MCPH1: variants seen among roughly 807,000 people sequenced by gnomAD.
The protein encoded by MCPH1 is microcephalin 1.
In MCPH1, 104 loss-of-function variants were observed where a neutral mutation model predicts 84.5. The observed-to-expected ratio is 1.23, with a 90% confidence interval of 1.05 to 1.45. MCPH1 has a LOEUF of 1.45. Ranked by LOEUF, MCPH1 falls within the 40% of genes most tolerant of loss-of-function variation. The pLI, the probability that MCPH1 is intolerant of heterozygous loss-of-function variation, is 0.00. For missense variants in MCPH1, 1,498 were observed against 1,005.7 expected, an observed-to-expected ratio of 1.49 and a Z score of -6.62; for synonymous variants, 514 against 366.8, an observed-to-expected ratio of 1.40 and a Z score of -4.58.
At chr8:6,463,377 A>G (rs1377085179) in intron 9 of MCPH1, among the ~76,000 whole-genome samples, 1 of 152,218 alleles carries the variant, frequency 6.6e-6, no homozygotes, top group Non-Finnish European at 1.5e-5. Flanking sequence ...CACAGCTGTC[A>G]TTTATTGAGC....
chr8:6,604,261 C>G (rs922520547), intron 12 of MCPH1, among the ~76,000 whole-genome samples: 5 of 152,174 alleles, frequency 3.3e-5, no homozygotes, highest in Non-Finnish European at 7.3e-5. Flanking sequence ...GAGCCCTGTT[C>G]TCAGCCCTGG....
chr8:6,525,858 C>A lies in MCPH1; in HGVS notation c.2214+25929C>A, dbSNP rs1195997134. 2.0e-5 allele frequency among the ~76,000 whole-genome samples: 3 copies of A among 152,202 alleles called. No individual in the cohort carries two copies. The East Asian group carries it at 5.8e-4, about 29-fold the overall frequency. On this transcript the variant is annotated intron_variant, in intron 12 of 13. Transcript: ENST00000344683. Reference sequence around the variant, plus strand: ...TTCTTCCTACAGGCATAGTTGAAAGCCAATATGATTGGAAAAATATTTGCA... The same window carrying A: ...TTCTTCCTACAGGCATAGTTGAAAGACAATATGATTGGAAAAATATTTGCA...
intron 11 of MCPH1, among the ~76,000 whole-genome samples, chr8:6,486,286 C>G (rs1487581706): frequency 6.9e-6 from 1 of 144,838 alleles, no homozygotes; most frequent in Non-Finnish European, 1.5e-5. Context: ...CTCTCTCTCT[C>G]TCTCTCTCTG....
chr8:6,409,595 C>A (rs1030101536), intron 2 of MCPH1, among the ~76,000 whole-genome samples: 9 of 152,168 alleles, frequency 5.9e-5, no homozygotes, highest in Admixed American at 5.9e-4. Context: ...GGATGAAATG[C>A]TGGATTCTTA....
intron 11 of MCPH1, among the ~76,000 whole-genome samples, chr8:6,490,962 A>G (rs1810498846): frequency 7.8e-6 from 1 of 128,676 alleles, no homozygotes; most frequent in Non-Finnish European, 1.7e-5. Flanking sequence ...CAATAATGCT[A>G]TTAATCATTA....
chr8:6,545,913 A>G (rs1822501303), intron 12 of MCPH1, among the ~76,000 whole-genome samples: 2 of 152,252 alleles, frequency 1.3e-5, no homozygotes, highest in Non-Finnish European at 2.9e-5. Flanking sequence ...GAGACATAGT[A>G]TAAAAAACTG....
chr8:6,623,287 C>T (rs192979345), intron 13 of MCPH1, among the ~76,000 whole-genome samples: 1 of 152,104 alleles, frequency 6.6e-6, no homozygotes, highest in Non-Finnish European at 1.5e-5. Context: ...ATGAATCACT[C>T]TAGTTTCAGC....
chr8:6,513,540 T>A (rs35948012), intron 12 of MCPH1: 44 of 565,908 alleles, frequency 7.8e-5, no homozygotes, highest in South Asian at 1.7e-4. Context: ...TCACTTTGTT[T>A]GCCAGGATGG....
In MCPH1 at chr8:6,440,422, C is replaced by T. The variant is rs184873466; in HGVS notation, c.580+1326C>T. ...ATTTGATTTTTTAAAGACATAGAGT[C>T]TCCCTGTGTTGCGCAGGCAGGACAT... On this transcript the variant is annotated intron_variant, in intron 6 of 13. Coordinates refer to ENST00000344683, the MANE Select transcript of MCPH1 (RefSeq NM_024596.5). Among the ~76,000 whole-genome samples the T allele has an allele frequency of 7.2e-5, 11 of 152,302 alleles. No homozygotes were observed. The East Asian group carries it at 1.9e-3, about 27-fold the overall frequency.
intron 3 of MCPH1, among the ~76,000 whole-genome samples, chr8:6,419,545 A>T (rs1585631679): frequency 7.1e-6 from 1 of 140,924 alleles, no homozygotes; most frequent in Non-Finnish European, 1.5e-5. Flanking sequence ...GGCGCCCACC[A>T]CCACACCTGG....
At chr8:6,498,243 G>C (rs2129562058) in intron 11 of MCPH1, among the ~76,000 whole-genome samples, 1 of 152,264 alleles carries the variant, frequency 6.6e-6, no homozygotes, top group South Asian at 2.1e-4. Flanking sequence ...AATATGTTGG[G>C]CCAACCTTTT....
intron 12 of MCPH1, among the ~76,000 whole-genome samples, chr8:6,524,588 T>C (rs746107503): frequency 4.8e-4 from 73 of 152,354 alleles, no homozygotes; most frequent in African/African-American, 1.6e-3. Flanking sequence ...AGAGATGTAT[T>C]GAACACCTAC....
At chr8:6,532,296 G>A in intron 12 of MCPH1, 1 of 1,613,344 alleles carries the variant, frequency 6.2e-7, no homozygotes, top group Non-Finnish European at 8.5e-7. Context: ...GTCTCTAGCT[G>A]CAGGGACACC....
At chr8:6,527,609 T>C in intron 12 of MCPH1, 1 of 1,614,112 alleles carries the variant, frequency 6.2e-7, no homozygotes, top group East Asian at 2.2e-5. Flanking sequence ...AATCTGTTTT[T>C]CCAATTTGTT....
intron 12 of MCPH1, among the ~76,000 whole-genome samples, chr8:6,530,139 G>A (rs187106957): frequency 6.6e-6 from 1 of 152,104 alleles, no homozygotes; most frequent in Admixed American, 6.5e-5. Context: ...ACCCATCAGT[G>A]TTAGTATCAA....
chr8:6,432,171 T>C (rs56266354), intron 4 of MCPH1, among the ~76,000 whole-genome samples: 4 of 152,226 alleles, frequency 2.6e-5, no homozygotes, highest in African/African-American at 9.7e-5. Context: ...GGTCTTTCTA[T>C]GTTGCCCAAG....
intron 3 of MCPH1, 37 bp from the exon 4 acceptor site, chr8:6,431,462 C>G (rs182914515): frequency 6.7e-7 from 1 of 1,493,142 alleles, no homozygotes; most frequent in Non-Finnish European, 9.3e-7. Context: ...ATAATAGAAG[C>G]AAATACTCAT....
chr8:6,523,389 T>G (rs1375096213), intron 12 of MCPH1, among the ~76,000 whole-genome samples: 4 of 152,344 alleles, frequency 2.6e-5, no homozygotes, highest in Admixed American at 2.6e-4. Context: ...TTTGCCTTCC[T>G]AATTTCAACT....
intron 6 of MCPH1, among the ~76,000 whole-genome samples, chr8:6,441,044 G>A (rs1002928651): frequency 8.5e-5 from 13 of 152,174 alleles, no homozygotes; most frequent in African/African-American, 3.1e-4. Flanking sequence ...CTTACCAGAC[G>A]TCTATCCAAT....
Sources: allele counts gnomAD v4.1 joint callset (sites outside exome capture counted in the v4.1 genomes callset), GRCh38; gene constraint gnomAD v4.1.1; transcripts MANE v1.5; gene names NCBI Gene and HGNC (gene_info 2026-07-23, HGNC 2026-07-21).